EPM2A: variants seen among roughly 807,000 people sequenced by gnomAD.
The protein encoded by EPM2A is laforin.
Under a neutral mutation model 26.5 loss-of-function variants are expected in EPM2A, and 21 were observed. The ratio of observed to expected loss-of-function variants is 0.79; its 90% CI spans 0.56 to 1.14. The LOEUF (loss-of-function observed/expected upper bound fraction) is 1.14, where lower values mean the gene tolerates loss of function less well. EPM2A is among the 50% of genes most tolerant of loss of function. EPM2A has a pLI of 0.00. For missense variants in EPM2A, 458 were observed against 440.8 expected (o/e 1.04, Z -0.35); for synonymous variants, 217 against 177.6 (o/e 1.22, Z -1.76).
At chr6:145,643,843 GAAA>G (rs34841136) in intron 2 of EPM2A, among the ~76,000 whole-genome samples, 5 of 149,236 alleles carry the variant, frequency 3.4e-5, no homozygotes, top group South Asian at 2.1e-4. Flanking sequence ...ATAATTTTCT[GAAA>G]AAAAAAAATA....
intron 2 of EPM2A, among the ~76,000 whole-genome samples, chr6:145,512,211 A>G (rs1780063386): frequency 6.6e-6 from 1 of 152,146 alleles, no homozygotes; most frequent in African/African-American, 2.4e-5. Flanking sequence ...TCCCTGTCAA[A>G]TTACCAATCT....
At chr6:145,582,328 A>T (rs959372306) in intron 2 of EPM2A, among the ~76,000 whole-genome samples, 1 of 151,954 alleles carries the variant, frequency 6.6e-6, no homozygotes, top group Non-Finnish European at 1.5e-5. Flanking sequence ...TTGTTTTTTT[A>T]AATTTGCTGA....
At chr6:145,624,247 C>T (rs1441744809), downstream of EPM2A, among the ~76,000 whole-genome samples, 1 of 152,164 alleles carries the variant, frequency 6.6e-6, no homozygotes, top group Non-Finnish European at 1.5e-5. Flanking sequence ...CACAGCACAT[C>T]TCTTTCCCAG....
chr6:145,462,925 A>T (rs1779344154), intron 4 of EPM2A, among the ~76,000 whole-genome samples: 1 of 152,140 alleles, frequency 6.6e-6, no homozygotes, highest in Non-Finnish European at 1.5e-5. Context: ...TAATACCAAG[A>T]TTTCTTTCCG....
At chr6:145,575,441 G>A (rs774887754) in intron 2 of EPM2A, among the ~76,000 whole-genome samples, 49 of 152,050 alleles carry the variant, frequency 3.2e-4, no homozygotes, top group Non-Finnish European at 6.5e-4. Context: ...CTGTTTTTCC[G>A]CAATTTCAGC....
intron 4 of EPM2A, among the ~76,000 whole-genome samples, chr6:145,459,563 A>G (rs1779302885): frequency 1.3e-5 from 2 of 152,200 alleles, no homozygotes; most frequent in African/African-American, 2.4e-5. Context: ...ATAGGAAATT[A>G]TTTAAATAAT....
Position 145,735,381 on chromosome 6 carries a change from GGCGGACGGCACCGC to G in EPM2A, c.104_117del (p.Arg35ProfsTer68). On this transcript the variant is annotated frameshift_variant, in exon 1 of 4. Transcript: ENST00000367519. LOFTEE classifies it high-confidence loss of function. ...CCCGCCGCGGTGCCGGCCGGCCTCA[GGCGGACGGCACCGC>G]GCGGCTCCCAACGCCCCAGCTCGGG... The G allele has an allele frequency of 8.1e-7, 1 of 1,232,600 alleles. No homozygotes were observed. The highest frequency in any genetic ancestry group is 1.0e-6 in the Non-Finnish European group (1 of 989,594). 76.4% of individuals were successfully genotyped at this position (1,232,600 alleles called of 1,614,324 possible).
intron 2 of EPM2A, chr6:145,670,544 C>T (rs1779566912): frequency 6.6e-6 from 1 of 152,064 alleles, no homozygotes; most frequent in Admixed American, 6.6e-5. Flanking sequence ...GCATGGTCTG[C>T]CAAAACTGAT....
At chr6:145,403,516 T>C (rs1778525282) in intron 4 of EPM2A, among the ~76,000 whole-genome samples, 1 of 151,908 alleles carries the variant, frequency 6.6e-6, no homozygotes, top group Non-Finnish European at 1.5e-5. Flanking sequence ...AAATGAATCA[T>C]GTGATGTCTT....
intron 4 of EPM2A, among the ~76,000 whole-genome samples, chr6:145,405,374 C>CA: frequency 6.6e-6 from 1 of 152,150 alleles, no homozygotes; most frequent in South Asian, 2.1e-4. Context: ...CCGGTTACGT[C>CA]ATATAATTAC....
At chr6:145,714,344 TG>T (rs1299685755) in intron 1 of EPM2A, among the ~76,000 whole-genome samples, 5 of 152,192 alleles carry the variant, frequency 3.3e-5, no homozygotes, top group African/African-American at 1.2e-4. Context: ...GATAGGTTCT[TG>T]GAAACTGTGA....
chr6:145,722,577 A>G (rs1487987994), intron 1 of EPM2A, among the ~76,000 whole-genome samples: 1 of 152,218 alleles, frequency 6.6e-6, no homozygotes, highest in Non-Finnish European at 1.5e-5. Flanking sequence ...ATACTAAATC[A>G]TAACCCGAAA....
At chr6:145,404,413 A>G (rs4896800) in intron 4 of EPM2A, among the ~76,000 whole-genome samples, 40,210 of 151,658 alleles carry the variant, frequency 0.27, 5,689 homozygotes, top group Non-Finnish European at 0.32. Flanking sequence ...TTGTATGTAA[A>G]TTGTTTTTTT....
chr6:145,446,377 C>CTGGTATAAT (rs1429861166), intron 4 of EPM2A, among the ~76,000 whole-genome samples: 3 of 152,096 alleles, frequency 2.0e-5, no homozygotes, highest in Non-Finnish European at 1.5e-5. Context: ...ATAACTAGAT[C>CTGGTATAAT]ATCAGTGGGC....
chr6:145,634,324 C>T (rs969457701), intron 3 of EPM2A, among the ~76,000 whole-genome samples: 4 of 152,196 alleles, frequency 2.6e-5, no homozygotes, highest in African/African-American at 9.7e-5. Context: ...AAATTCCATG[C>T]TTCTGTGCCA....
chr6:145,575,316 C>A (rs1005524336), intron 2 of EPM2A, among the ~76,000 whole-genome samples: 4 of 152,128 alleles, frequency 2.6e-5, no homozygotes, highest in African/African-American at 4.8e-5. Flanking sequence ...CCATTCCTGG[C>A]GGCAGAGTCC....
chr6:145,466,887 G>A (rs376701131), intron 4 of EPM2A, among the ~76,000 whole-genome samples: 3,121 of 152,130 alleles, frequency 0.021, 45 homozygotes, highest in Admixed American at 0.031. Flanking sequence ...GTAAACTATC[G>A]CAAGAACAAA....
At chr6:145,427,856 A>C (rs1013984396) in intron 4 of EPM2A, among the ~76,000 whole-genome samples, 1 of 152,062 alleles carries the variant, frequency 6.6e-6, no homozygotes, top group South Asian at 2.1e-4. Context: ...TTCTTTTTCA[A>C]TATTTTATTC....
chr6:145,670,537 T>C (rs1323607983), intron 2 of EPM2A: 2 of 152,154 alleles, frequency 1.3e-5, no homozygotes, highest in East Asian at 1.9e-4. Context: ...CAGAACAGCA[T>C]GGTCTGCCAA....
Sources: gnomAD v4.1 joint callset for allele counts (sites outside exome capture counted in the v4.1 genomes callset) on GRCh38, gnomAD v4.1.1 for gene constraint, MANE v1.5 for transcripts, NCBI Gene and HGNC (gene_info 2026-07-23, HGNC 2026-07-21) for gene names.